Variants in BRWD1 observed in about 807,000 individuals in gnomAD.
BRWD1 encodes bromodomain and WD repeat domain containing 1.
A neutral mutation model predicts 251.2 loss-of-function variants in BRWD1; 82 were observed. That is an observed-to-expected ratio of 0.33 (90% CI 0.27 to 0.39). The LOEUF (loss-of-function observed/expected upper bound fraction) is 0.39. Among genes scored for constraint, BRWD1 ranks in the 10% least tolerant of loss-of-function variants. The pLI is 1.00. For missense variants in BRWD1, 2,233 were observed against 2,711.6 expected (o/e 0.82, Z 3.92); for synonymous variants, 918 against 902.8 (o/e 1.02, Z -0.30).
Position 39,279,957 on chromosome 21 carries a change from C to T in BRWD1, c.932+191G>A, listed in dbSNP as rs533282345. ...GAAAAGCTATGCTTCTTTTACAAAT[C>T]CTGCTATCTACATAATTATAAATAG... On this transcript the variant is annotated intron_variant, in intron 9 of 40. Coordinates refer to ENST00000342449, the MANE Select transcript of BRWD1 (RefSeq NM_033656.4). Among the ~76,000 whole-genome samples, 4 of 152,188 alleles carry T rather than the reference C, an allele frequency of 2.6e-5. No homozygotes were observed. In the South Asian group the frequency reaches 6.2e-4, roughly 24 times the overall value.
At position 39,196,248 on chromosome 21, in the gene BRWD1, T is replaced by C. The variant is rs2146452221; in HGVS notation, c.*11A>G. The C allele has an allele frequency of 6.4e-7, 1 of 1,550,676 alleles. No homozygotes were observed. Among genetic ancestry groups the C allele is most frequent in the South Asian group, 1.3e-5 (1 of 78,594 alleles). ...CCATTTCCTCTTAAATGAACTGGCT[T>C]TCCCTCAAGGTCATAAGGTGCAACC... On this transcript the variant is annotated 3_prime_UTR_variant, in exon 41 of 41. Transcript: ENST00000342449.
At chr21:39,249,462 AT>A (rs1427700066) in intron 20 of BRWD1, among the ~76,000 whole-genome samples, 1 of 124,712 alleles carries the variant, frequency 8.0e-6, no homozygotes, top group Non-Finnish European at 1.7e-5. Flanking sequence ...TTTTAAATAT[AT>A]TTTTATCAAA....
In BRWD1 at chr21:39,197,118, T is replaced by G. The variant is rs749759948; in HGVS notation, c.5951A>C (p.His1984Pro). The G allele has an allele frequency of 1.2e-6, 2 of 1,614,176 alleles. No homozygotes were observed. Among genetic ancestry groups the G allele is most frequent in the African/African-American group, 2.7e-5 (2 of 75,066 alleles). ...KKLSDCEGSV[H>P]CEVPSEQYAC... is the part of the protein sequence containing the mutation. ...ATACTGTTCACTTGGTACTTCACAATGTACACTTCCTTCACAATCACTCAA... is the reference window on the plus strand; with the variant it reads ...ATACTGTTCACTTGGTACTTCACAAGGTACACTTCCTTCACAATCACTCAA... The change falls in exon 41 of 41, where the codon CAT (histidine) becomes CCT (proline). Residue 1984 changes from histidine to proline, a missense_variant. Around this residue, in one of 12 missense-constraint regions of BRWD1, gnomAD observed 928 missense variants for 970.0 expected, o/e 0.96. Transcript: ENST00000342449.
chr21:39,259,095 A>C lies in BRWD1; in HGVS notation c.1886-423T>G, dbSNP rs184438025. ...ATCCCTGAGATTTAATTTCTTCTCTATGTCTTAAGAAAGGGGAAAAAAGGG... is the reference window on the plus strand; with the variant it reads ...ATCCCTGAGATTTAATTTCTTCTCTCTGTCTTAAGAAAGGGGAAAAAAGGG... On this transcript the variant is annotated intron_variant, in intron 17 of 40. Transcript: ENST00000342449. 2.1e-4 allele frequency among the ~76,000 whole-genome samples: 32 copies of C among 152,260 alleles called. No individual in the cohort carries two copies. In the East Asian group the frequency reaches 5.0e-3, roughly 24 times the overall value.
chr21:39,216,133 A>T (rs997662109), intron 31 of BRWD1, among the ~76,000 whole-genome samples: 1 of 152,226 alleles, frequency 6.6e-6, no homozygotes, highest in Non-Finnish European at 1.5e-5. Flanking sequence ...ACTCAAGATG[A>T]CTTTTTATAA....
intron 4 of BRWD1, among the ~76,000 whole-genome samples, chr21:39,308,049 A>C (rs1766312708): frequency 6.6e-6 from 1 of 152,152 alleles, no homozygotes; most frequent in South Asian, 2.1e-4. Flanking sequence ...AAGGTTTTGT[A>C]AACTTTTTTT....
chr21:39,186,059 T>C lies in BRWD1; in HGVS notation c.*10200A>G, dbSNP rs1023465322. 6.6e-5 allele frequency: 10 copies of C among 152,286 alleles called. No homozygotes were observed. Among genetic ancestry groups the C allele is most frequent in the African/African-American group, 2.4e-4 (10 of 41,564 alleles). 9.4% of individuals were successfully genotyped at this position (152,286 alleles called of 1,614,324 possible). ...ACCATTAAAGTTTGTTGGGATGAGA[T>C]TGTAGTAAGTTTACTCAAAGTATTC... On this transcript the variant is annotated 3_prime_UTR_variant, in exon 41 of 41. Coordinates refer to ENST00000342449, the MANE Select transcript of BRWD1 (RefSeq NM_033656.4).
rs559744343 is a variant in BRWD1 at position 39,233,547 on chromosome 21, A to G, written c.2767-1049T>C. Among the ~76,000 whole-genome samples, 6 of 151,196 alleles carry G rather than the reference A, an allele frequency of 4.0e-5. No homozygotes were observed. In the South Asian group the frequency reaches 1.3e-3, roughly 32 times the overall value. ...AAACGTAGCAATAACACACACACACAAAAAAAAAGCACCTTAAAATTCCTT... is the reference window on the plus strand; with the variant it reads ...AAACGTAGCAATAACACACACACACGAAAAAAAAGCACCTTAAAATTCCTT... On this transcript the variant is annotated intron_variant, in intron 23 of 40. Coordinates refer to ENST00000342449, the MANE Select transcript of BRWD1 (RefSeq NM_033656.4).
chr21:39,310,153 G>T (rs762562273), intron 4 of BRWD1, among the ~76,000 whole-genome samples: 1 of 152,220 alleles, frequency 6.6e-6, no homozygotes, highest in South Asian at 2.1e-4. Context: ...TCCATTGATA[G>T]TTTCTTAAAA....
chr21:39,202,927 T>C (rs1288749384), intron 37 of BRWD1, among the ~76,000 whole-genome samples: 1 of 152,222 alleles, frequency 6.6e-6, no homozygotes, highest in Non-Finnish European at 1.5e-5. Context: ...CTTATTTCTA[T>C]GTCCCTAAAG....
At position 39,193,924 on chromosome 21, in the gene BRWD1, C is replaced by T. The variant is rs1601227225; in HGVS notation, c.*2335G>A. On this transcript the variant is annotated 3_prime_UTR_variant, in exon 41 of 41. Transcript: ENST00000342449. ...GTTAACCTTAGGAATAGCACCATAA[C>T]CAAAAAAACCCATAAAAATTATTTT... 4 of 985,380 alleles carry T rather than the reference C, an allele frequency of 4.1e-6. No homozygotes were observed. In the South Asian group the frequency reaches 1.9e-4, roughly 46 times the overall value. The allele number at this position is 985,380 out of a possible 1,614,324, so 61.0% of individuals were successfully genotyped here.
At chr21:39,266,294 TTG>T (rs756151635) in intron 15 of BRWD1, among the ~76,000 whole-genome samples, 2 of 151,858 alleles carry the variant, frequency 1.3e-5, no homozygotes, top group Admixed American at 6.6e-5. Flanking sequence ...AGGAAAAAAA[TTG>T]TGTGTGTATA....
At chr21:39,234,851 G>A (rs547033742) in intron 23 of BRWD1, among the ~76,000 whole-genome samples, 2 of 152,310 alleles carry the variant, frequency 1.3e-5, no homozygotes, top group Admixed American at 1.3e-4. Context: ...AGTGAAAACT[G>A]TTTATCAAGA....
intron 16 of BRWD1, 42 bp downstream of exon 16, chr21:39,264,849 A>G (rs1313439352): frequency 2.8e-5 from 44 of 1,598,206 alleles, no homozygotes; most frequent in East Asian, 4.5e-5. Flanking sequence ...AACACAGCTG[A>G]TAACTATTAC....
chr21:39,281,410 C>G (rs1357956603), intron 8 of BRWD1, among the ~76,000 whole-genome samples: 2 of 152,174 alleles, frequency 1.3e-5, no homozygotes, highest in African/African-American at 4.8e-5. Context: ...AACTTGCTGA[C>G]TCGCCCGAGT....
rs71330353 is a variant in BRWD1 at position 39,203,438 on chromosome 21, C to CTTTTTTTTTTTTTTTTTTT, written c.4365-912_4365-894dup. On this transcript the variant is annotated intron_variant, in intron 37 of 40. Transcript: ENST00000342449. ...TGGGCAACAGAGCAAGACCCTGGTT[C>CTTTTTTTTTTTTTTTTTTT]TTTTTTTTTTTTTTTTTTTTTTTTG... Among the ~76,000 whole-genome samples the CTTTTTTTTTTTTTTTTTTT allele has an allele frequency of 1.7e-3, 115 of 67,704 alleles. 9 individuals carry two copies. The highest frequency in any genetic ancestry group is 2.7e-3 in the Non-Finnish European group (95 of 34,558). 44.4% of individuals were successfully genotyped at this position (67,704 alleles called of 152,430 possible). A position where few individuals can be genotyped will look rare whatever the true frequency, so the allele number is the denominator to read the frequency against.
intron 27 of BRWD1, among the ~76,000 whole-genome samples, chr21:39,226,171 A>C (rs982939704): frequency 6.6e-6 from 1 of 152,180 alleles, no homozygotes; most frequent in Non-Finnish European, 1.5e-5. Flanking sequence ...AAGGAGCCTG[A>C]AAAAATTAAG....
At chr21:39,226,119 G>C (rs1157037912) in intron 27 of BRWD1, among the ~76,000 whole-genome samples, 2 of 152,042 alleles carry the variant, frequency 1.3e-5, no homozygotes, top group African/African-American at 4.8e-5. Context: ...TTTCAGTTTA[G>C]ATAAAAATAT....
chr21:39,280,121 A>G, intron 9 of BRWD1, 27 bp downstream of exon 9: 1 of 1,485,392 alleles, frequency 6.7e-7, no homozygotes. Context: ...AAAAAACAAA[A>G]CCTGTTACAT....
Sources: gnomAD v4.1 joint callset for allele counts (sites outside exome capture counted in the v4.1 genomes callset) on GRCh38, gnomAD v4.1.1 for gene constraint, gnomAD v4.1.1 regional missense constraint, MANE v1.5 for transcripts, NCBI Gene and HGNC (gene_info 2026-07-23, HGNC 2026-07-21) for gene names.